Variants in SH3GL2 observed in about 807,000 individuals in gnomAD.
The protein encoded by SH3GL2 is endophilin-A1.
In SH3GL2, 24 loss-of-function variants were observed where a neutral mutation model predicts 46.0. The ratio of observed to expected loss-of-function variants is 0.52; its 90% CI spans 0.38 to 0.73. The LOEUF is 0.73. Ranked by LOEUF, SH3GL2 falls within the 30% of genes least tolerant of loss-of-function variation. The probability of loss-of-function intolerance (pLI) is 0.00; values close to 1 mark genes in which losing one functional copy is unlikely to be tolerated. For synonymous variants in SH3GL2, 196 were observed against 147.1 expected (o/e 1.33, Z -2.40); for missense variants, 413 against 424.2 (o/e 0.97, Z 0.23).
At chr9:17,725,424 G>C (rs953915237) in intron 1 of SH3GL2, among the ~76,000 whole-genome samples, 64 of 152,182 alleles carry the variant, frequency 4.2e-4, no homozygotes, top group African/African-American at 1.5e-3. Flanking sequence ...ACCAGGCCCT[G>C]CATAACTGTG....
intron 1 of SH3GL2, among the ~76,000 whole-genome samples, chr9:17,682,000 A>G (rs753406738): frequency 1.1e-4 from 17 of 152,214 alleles, no homozygotes; most frequent in Admixed American, 1.3e-4. Context: ...AATGCAAATC[A>G]AAACTGCAAT....
intron 1 of SH3GL2, among the ~76,000 whole-genome samples, chr9:17,624,119 G>T (rs1196982736): frequency 3.3e-5 from 5 of 152,158 alleles, no homozygotes; most frequent in Non-Finnish European, 7.4e-5. Flanking sequence ...CTGTCAGTTT[G>T]AGGTTGTTGC....
At chr9:17,632,286 A>T (rs750850822) in intron 1 of SH3GL2, among the ~76,000 whole-genome samples, 1 of 152,194 alleles carries the variant, frequency 6.6e-6, no homozygotes, top group East Asian at 1.9e-4. Context: ...AAAAATAATT[A>T]AAAAATGCAC....
chr9:17,719,548 G>T (rs2118332297), intron 1 of SH3GL2, among the ~76,000 whole-genome samples: 1 of 152,190 alleles, frequency 6.6e-6, no homozygotes, highest in African/African-American at 2.4e-5. Flanking sequence ...CACTTTGGGA[G>T]GCCAACGTGG....
intron 1 of SH3GL2, among the ~76,000 whole-genome samples, chr9:17,686,870 C>T (rs1436346520): frequency 6.7e-6 from 1 of 149,660 alleles, no homozygotes; most frequent in African/African-American, 2.5e-5. Context: ...AGCGCACCAG[C>T]ATGGCACATG....
At chr9:17,674,570 A>G (rs556762808) in intron 1 of SH3GL2, among the ~76,000 whole-genome samples, 3 of 152,078 alleles carry the variant, frequency 2.0e-5, no homozygotes, top group Non-Finnish European at 4.4e-5. Flanking sequence ...AGCAATGAAC[A>G]TGTTATTTGT....
intron 2 of SH3GL2, among the ~76,000 whole-genome samples, chr9:17,748,936 A>G (rs1822768133): frequency 6.6e-6 from 1 of 152,228 alleles, no homozygotes; most frequent in South Asian, 2.1e-4. Context: ...CTGAAAAAAA[A>G]AGATAAGTTG....
At chr9:17,753,985 CTG>C (rs770346400) in intron 2 of SH3GL2, among the ~76,000 whole-genome samples, 8 of 152,256 alleles carry the variant, frequency 5.3e-5, no homozygotes, top group Admixed American at 2.6e-4. Flanking sequence ...GACCAGATAA[CTG>C]TAGGTGTGCA....
At chr9:17,720,741 A>G (rs537155523) in intron 1 of SH3GL2, among the ~76,000 whole-genome samples, 1 of 152,092 alleles carries the variant, frequency 6.6e-6, no homozygotes, top group Non-Finnish European at 1.5e-5. Context: ...AGGACTTACC[A>G]CTCAGTTTTC....
At chr9:17,758,535 C>T (rs1234912492) in intron 2 of SH3GL2, among the ~76,000 whole-genome samples, 2 of 109,096 alleles carry the variant, frequency 1.8e-5, no homozygotes, top group Non-Finnish European at 3.5e-5. Flanking sequence ...GCACTCCAGC[C>T]TGGGGGAGAG....
intron 1 of SH3GL2, among the ~76,000 whole-genome samples, chr9:17,674,234 A>G (rs1249298199): frequency 6.6e-6 from 1 of 152,170 alleles, no homozygotes; most frequent in African/African-American, 2.4e-5. Flanking sequence ...GCTTAAAACA[A>G]TAAACATTTT....
chr9:17,792,934 G>A (rs991230668), intron 7 of SH3GL2, among the ~76,000 whole-genome samples: 3 of 152,172 alleles, frequency 2.0e-5, no homozygotes, highest in African/African-American at 7.2e-5. Flanking sequence ...GGGTACATAG[G>A]TGTATATATT....
intron 1 of SH3GL2, among the ~76,000 whole-genome samples, chr9:17,716,445 G>A (rs1821761619): frequency 6.6e-6 from 1 of 152,138 alleles, no homozygotes; most frequent in South Asian, 2.1e-4. Flanking sequence ...GCCTTGCTTT[G>A]CGCTACTGAG....
At chr9:17,653,863 C>T in intron 1 of SH3GL2, 3 of 981,870 alleles carry the variant, frequency 3.1e-6, no homozygotes, top group Non-Finnish European at 3.6e-6. Flanking sequence ...GAGACATTAA[C>T]AAGGGGCTGA....
intron 1 of SH3GL2, among the ~76,000 whole-genome samples, chr9:17,633,706 T>C (rs763553737): frequency 3.9e-5 from 6 of 152,200 alleles, no homozygotes; most frequent in Non-Finnish European, 7.3e-5. Flanking sequence ...CTTAAACTTC[T>C]GGGAAATAAA....
At chr9:17,620,578 G>C (rs1819115432) in intron 1 of SH3GL2, among the ~76,000 whole-genome samples, 1 of 152,198 alleles carries the variant, frequency 6.6e-6, no homozygotes, top group South Asian at 2.1e-4. Context: ...AGACAGAAGA[G>C]GGTTGGTGCA....
intron 1 of SH3GL2, among the ~76,000 whole-genome samples, chr9:17,651,417 G>A (rs1819956536): frequency 6.6e-6 from 1 of 152,086 alleles, no homozygotes; most frequent in South Asian, 2.1e-4. Context: ...TGAGAATCTT[G>A]TGTGATCTTT....
chr9:17,642,671 G>A lies in SH3GL2; in HGVS notation c.45+63384G>A, dbSNP rs142844059. Among the ~76,000 whole-genome samples the A allele has an allele frequency of 4.3e-3, 657 of 152,134 alleles. 1 individual carries two copies. Among genetic ancestry groups the A allele is most frequent in the African/African-American group, 0.015 (625 of 41,512 alleles). ...AAAGATCAGATTGTTGCAGATGTGC[G>A]GTGCTATTTCTGAGGGCTCTGTTCT... On this transcript the variant is annotated intron_variant, in intron 1 of 8. Transcript: ENST00000380607.
At chr9:17,609,116 C>T (rs1280023043) in intron 1 of SH3GL2, among the ~76,000 whole-genome samples, 1 of 152,122 alleles carries the variant, frequency 6.6e-6, no homozygotes, top group African/African-American at 2.4e-5. Flanking sequence ...TAGTAACCCG[C>T]ATTATTGAGC....
Sources: allele counts gnomAD v4.1 joint callset (sites outside exome capture counted in the v4.1 genomes callset), GRCh38; gene constraint gnomAD v4.1.1; transcripts MANE v1.5; gene names NCBI Gene and HGNC (gene_info 2026-07-23, HGNC 2026-07-21).